The following DENND1A variants were observed in gnomAD, a reference collection of about 807,000 sequenced individuals.
DENND1A encodes the protein DENN domain containing 1A.
In DENND1A, 51 loss-of-function variants were observed where a neutral mutation model predicts 113.7. The observed-to-expected ratio is 0.45, with a 90% CI of 0.36 to 0.57. DENND1A has a LOEUF of 0.57. DENND1A is among the 20% of genes least tolerant of loss of function. The pLI, the probability that DENND1A is intolerant of heterozygous loss-of-function variation, is 0.00. For missense variants in DENND1A, 1,258 were observed against 1,395.9 expected (o/e 0.90, Z 1.57); for synonymous variants, 565 against 570.8 (o/e 0.99, Z 0.14).
intron 9 of DENND1A, among the ~76,000 whole-genome samples, chr9:123,644,787 A>G (rs1206357998): frequency 2.0e-5 from 3 of 152,204 alleles, no homozygotes; most frequent in African/African-American, 7.2e-5. Context: ...TGACTAGGAC[A>G]TGACCTTGGG....
At chr9:123,396,010 A>T (rs1406656303) in intron 21 of DENND1A, among the ~76,000 whole-genome samples, 1 of 152,024 alleles carries the variant, frequency 6.6e-6, no homozygotes, top group African/African-American at 2.4e-5. Context: ...CGCGTGTGAG[A>T]CAAAGAGAAA....
chr9:123,912,405 C>T (rs1854169828), intron 1 of DENND1A, among the ~76,000 whole-genome samples: 1 of 152,096 alleles, frequency 6.6e-6, no homozygotes, highest in South Asian at 2.1e-4. Context: ...CCTGGAAATG[C>T]CAATTGATGC....
intron 12 of DENND1A, among the ~76,000 whole-genome samples, chr9:123,566,249 T>C (rs1159331963): frequency 6.6e-6 from 1 of 152,228 alleles, no homozygotes; most frequent in Non-Finnish European, 1.5e-5. Context: ...TTTCCTCTCA[T>C]TCCTTGCTTT....
At chr9:123,503,847 A>G (rs1038456391) in intron 13 of DENND1A, among the ~76,000 whole-genome samples, 2 of 152,186 alleles carry the variant, frequency 1.3e-5, no homozygotes, top group African/African-American at 2.4e-5. Context: ...TCTGAGACAC[A>G]CTGGGTTAAG....
chr9:123,816,375 C>T (rs571222033), intron 2 of DENND1A, among the ~76,000 whole-genome samples: 2 of 152,146 alleles, frequency 1.3e-5, no homozygotes, highest in Admixed American at 1.3e-4. Flanking sequence ...AGGATTTAAT[C>T]TCAGGTTTGT....
At chr9:123,733,416 A>G (rs2068327271) in intron 5 of DENND1A, among the ~76,000 whole-genome samples, 1 of 152,018 alleles carries the variant, frequency 6.6e-6, no homozygotes, top group African/African-American at 2.4e-5. Flanking sequence ...AGTAATTGGG[A>G]CTACAGGTAT....
intron 13 of DENND1A, among the ~76,000 whole-genome samples, chr9:123,523,326 G>C (rs183910195): frequency 6.6e-6 from 1 of 152,154 alleles, no homozygotes; most frequent in Non-Finnish European, 1.5e-5. Flanking sequence ...ATCTTGTGGA[G>C]GCCTGCCCCA....
chr9:123,911,228 G>A (rs543013783), intron 1 of DENND1A, among the ~76,000 whole-genome samples: 1 of 152,094 alleles, frequency 6.6e-6, no homozygotes. Flanking sequence ...AATGAGCTAC[G>A]AAAACATGAC....
Position 123,611,867 on chromosome 9 carries a change from A to T in DENND1A, c.720-2386T>A, listed in dbSNP as rs116273218. 3.1e-3 allele frequency among the ~76,000 whole-genome samples: 479 copies of T among 152,330 alleles called. 2 individuals carry two copies. The highest frequency in any genetic ancestry group is 9.9e-3 in the African/African-American group (411 of 41,580). ...AATCAATGATACCCTGAAAGGAAAA[A>T]GGGACCTCATGGAAGAGACTGAAGA... On this transcript the variant is annotated intron_variant, in intron 10 of 23. Transcript: ENST00000394215.
chr9:123,514,843 C>G (rs60485679), intron 13 of DENND1A, among the ~76,000 whole-genome samples: 12,162 of 152,156 alleles, frequency 0.08, 502 homozygotes, highest in Admixed American at 0.093. Context: ...ATGAGTATAC[C>G]TGGTGCCTAG....
intron 2 of DENND1A, among the ~76,000 whole-genome samples, chr9:123,798,728 A>G: frequency 1.1e-5 from 1 of 92,460 alleles, no homozygotes; most frequent in African/African-American, 1.4e-4. Flanking sequence ...CTGGAGGCAA[A>G]AAAAAAAAAA....
intron 8 of DENND1A, among the ~76,000 whole-genome samples, chr9:123,666,724 T>C (rs2063508930): frequency 6.6e-6 from 1 of 152,202 alleles, no homozygotes; most frequent in Non-Finnish European, 1.5e-5. Context: ...GTGATTTAAC[T>C]ATGTAAAAAT....
chr9:123,715,539 A>G (rs1057463229), intron 5 of DENND1A, among the ~76,000 whole-genome samples: 13 of 152,214 alleles, frequency 8.5e-5, no homozygotes, highest in Admixed American at 7.2e-4. Context: ...GTTATTTAGC[A>G]AACTACCTAG....
rs1413884071 is a variant in DENND1A, at chr9:123,639,330, T to C, written c.619-8854A>G. On this transcript the variant is annotated intron_variant, in intron 9 of 23. Coordinates refer to ENST00000394215, the MANE Select transcript of DENND1A (RefSeq NM_001352964.2). ...GACAGGCGCCTGTAGTCCCAGCTAC[T>C]TGGGAGGCTGAGGCACGAGTATCAG... is the stretch of plus-strand genomic sequence containing the variant. Among the ~76,000 whole-genome samples the C allele has an allele frequency of 6.6e-5, 10 of 151,576 alleles. No homozygotes were observed. The South Asian group carries it at 2.1e-3, about 32-fold the overall frequency.
intron 2 of DENND1A, among the ~76,000 whole-genome samples, chr9:123,867,613 C>G (rs576275041): frequency 6.6e-6 from 1 of 152,290 alleles, no homozygotes; most frequent in South Asian, 2.1e-4. Flanking sequence ...GGCGGCCCAG[C>G]ATCCGTTCTC....
chr9:123,458,524 A>G (rs2048306104), intron 13 of DENND1A, among the ~76,000 whole-genome samples: 1 of 152,172 alleles, frequency 6.6e-6, no homozygotes, highest in Non-Finnish European at 1.5e-5. Context: ...AGGAACCAAC[A>G]GTCAGATTCT....
intron 13 of DENND1A, among the ~76,000 whole-genome samples, chr9:123,534,251 TTC>T (rs2055554202): frequency 6.6e-6 from 1 of 152,190 alleles, no homozygotes; most frequent in Admixed American, 6.5e-5. Context: ...TCAATTCTGT[TTC>T]TGAGAATTTC....
In DENND1A at chr9:123,700,866, A is replaced by T. The variant is rs184821031; in HGVS notation, c.303-24077T>A. On this transcript the variant is annotated intron_variant, in intron 5 of 23. Coordinates refer to ENST00000394215, the MANE Select transcript of DENND1A (RefSeq NM_001352964.2). ...CTGGTATATCTATTTAGATCTTTTT[A>T]AAAAAATGTATCTCAGCAATGTTTT... Among the ~76,000 whole-genome samples the T allele has an allele frequency of 1.8e-3, 277 of 152,286 alleles. 6 individuals are homozygous for T. The highest frequency in any genetic ancestry group is 0.013 in the Admixed American group (205 of 15,296).
At chr9:123,394,997 CT>C (rs994927346) in intron 21 of DENND1A, among the ~76,000 whole-genome samples, 1 of 152,218 alleles carries the variant, frequency 6.6e-6, no homozygotes, top group Non-Finnish European at 1.5e-5. Flanking sequence ...CCGTGGCTCC[CT>C]CATGGCTGAA....
Sources: gnomAD v4.1 joint callset for allele counts (sites outside exome capture counted in the v4.1 genomes callset) on GRCh38, gnomAD v4.1.1 for gene constraint, MANE v1.5 for transcripts, NCBI Gene and HGNC (gene_info 2026-07-23, HGNC 2026-07-21) for gene names.